Variants in PTPRN2 observed in about 807,000 individuals in gnomAD.
PTPRN2 encodes receptor-type tyrosine-protein phosphatase N2.
Under a neutral mutation model 118.8 loss-of-function variants are expected in PTPRN2, and 74 were observed. The observed-to-expected ratio is 0.62, with a 90% confidence interval of 0.52 to 0.76. The LOEUF (loss-of-function observed/expected upper bound fraction) is 0.76, where lower values mean the gene tolerates loss of function less well. PTPRN2 is among the 30% of genes least tolerant of loss of function. PTPRN2 has a pLI of 0.00. For synonymous variants in PTPRN2, 641 were observed against 608.0 expected, an observed-to-expected ratio of 1.05 and a Z score of -0.80; for missense variants, 1,481 against 1,394.4, an observed-to-expected ratio of 1.06 and a Z score of -0.99.
intron 17 of PTPRN2, among the ~76,000 whole-genome samples, chr7:157,578,602 G>A: frequency 6.6e-6 from 1 of 152,176 alleles, no homozygotes; most frequent in East Asian, 1.9e-4. Context: ...AGTACTTCAC[G>A]GAAAGCAGTA....
chr7:158,155,744 ATCACCATC>A (rs1563529932), intron 6 of PTPRN2, among the ~76,000 whole-genome samples: 3,621 of 84,718 alleles, frequency 0.043, 127 homozygotes, highest in African/African-American at 0.11. Flanking sequence ...CATCACCATC[ATCACCATC>A]ACCATCATCA....
chr7:157,873,785 G>A (rs1186334068), intron 12 of PTPRN2, among the ~76,000 whole-genome samples: 1 of 152,114 alleles, frequency 6.6e-6, no homozygotes, highest in Non-Finnish European at 1.5e-5. Context: ...TGAGGAGAGC[G>A]CAGCACTCGG....
At chr7:157,941,760 G>A (rs1400196614) in intron 11 of PTPRN2, among the ~76,000 whole-genome samples, 1 of 152,204 alleles carries the variant, frequency 6.6e-6, no homozygotes, top group Admixed American at 6.5e-5. Context: ...AGTGGGGTCA[G>A]CATGTGGCCA....
At chr7:158,433,025 T>G (rs1816334745) in intron 2 of PTPRN2, among the ~76,000 whole-genome samples, 1 of 152,232 alleles carries the variant, frequency 6.6e-6, no homozygotes, top group African/African-American at 2.4e-5. Flanking sequence ...CTGTTTGAAC[T>G]GTAGGTCCGT....
chr7:157,875,324 G>A lies in PTPRN2; in HGVS notation c.1788+23349C>T, dbSNP rs192481775. ...AGTTTCCAGGCGTTCCGTGAGAGCCGAGGGAGCGCGTGAGGGCTTCCTCCT... is the reference window on the plus strand; with the variant it reads ...AGTTTCCAGGCGTTCCGTGAGAGCCAAGGGAGCGCGTGAGGGCTTCCTCCT... On this transcript the variant is annotated intron_variant, in intron 12 of 22. Transcript: ENST00000389418. Among the ~76,000 whole-genome samples the A allele has an allele frequency of 4.6e-5, 7 of 152,350 alleles. No homozygotes were observed. In the South Asian group the frequency reaches 1.0e-3, roughly 23 times the overall value.
chr7:158,049,154 A>T (rs938625196), intron 11 of PTPRN2, among the ~76,000 whole-genome samples: 4 of 151,162 alleles, frequency 2.6e-5, no homozygotes, highest in Non-Finnish European at 5.9e-5. Context: ...CATCATCACC[A>T]TCACCATCAA....
intron 12 of PTPRN2, among the ~76,000 whole-genome samples, chr7:157,877,963 C>T (rs1192444755): frequency 6.6e-6 from 1 of 152,216 alleles, no homozygotes; most frequent in Non-Finnish European, 1.5e-5. Context: ...ACATAATTAA[C>T]AGCGCCCCAA....
intron 13 of PTPRN2, among the ~76,000 whole-genome samples, chr7:157,665,001 C>G (rs144100337): frequency 1.3e-5 from 2 of 152,204 alleles, no homozygotes; most frequent in Non-Finnish European, 2.9e-5. Flanking sequence ...GTGGGCCACA[C>G]GAGCCTGCTG....
At chr7:158,386,035 G>C (rs112811013) in intron 2 of PTPRN2, among the ~76,000 whole-genome samples, 1 of 25,564 alleles carries the variant, frequency 3.9e-5, no homozygotes, top group Non-Finnish European at 8.6e-5. Flanking sequence ...CCCGTGCCCC[G>C]AGTCCCTCCT....
intron 1 of PTPRN2, among the ~76,000 whole-genome samples, chr7:158,567,540 A>G (rs1380050439): frequency 6.6e-6 from 1 of 152,196 alleles, no homozygotes; most frequent in Non-Finnish European, 1.5e-5. Context: ...GCCACGTGCT[A>G]CGCCCAGGCT....
intron 6 of PTPRN2, among the ~76,000 whole-genome samples, chr7:158,146,912 CTGAA>C (rs1820124757): frequency 6.6e-6 from 1 of 151,802 alleles, no homozygotes; most frequent in Admixed American, 6.6e-5. Flanking sequence ...TGTGAAGAGA[CTGAA>C]TGACACCCCA....
rs528607858 is a variant in PTPRN2 at position 157,948,156 on chromosome 7, G to A, written c.1724-49419C>T. Among the ~76,000 whole-genome samples, 15 of 152,278 alleles carry A rather than the reference G, an allele frequency of 9.9e-5. No individual in the cohort carries two copies. The South Asian group carries it at 3.1e-3, about 32-fold the overall frequency. ...AACTTCAGTAAAATTAACTACATAG[G>A]TAAATATAAAACCCAGTATTGTAGC... On this transcript the variant is annotated intron_variant, in intron 11 of 22. Transcript: ENST00000389418.
chr7:157,644,901 C>G (rs990175647), intron 14 of PTPRN2, among the ~76,000 whole-genome samples: 1 of 152,228 alleles, frequency 6.6e-6, no homozygotes, highest in African/African-American at 2.4e-5. Flanking sequence ...CCGTGGGAAC[C>G]ACACGGGCCC....
chr7:158,432,370 T>C (rs1037306479), intron 2 of PTPRN2, among the ~76,000 whole-genome samples: 2 of 152,172 alleles, frequency 1.3e-5, no homozygotes, highest in Non-Finnish European at 2.9e-5. Flanking sequence ...GACAAAGTCC[T>C]GTAACACAGA....
chr7:158,026,875 GAC>G (rs1417317170), intron 11 of PTPRN2, among the ~76,000 whole-genome samples: 1 of 152,228 alleles, frequency 6.6e-6, no homozygotes, highest in Non-Finnish European at 1.5e-5. Context: ...GTGAACACAG[GAC>G]ACACAGCAGT....
At chr7:157,821,126 G>A (rs1806809987) in intron 12 of PTPRN2, among the ~76,000 whole-genome samples, 2 of 152,222 alleles carry the variant, frequency 1.3e-5, no homozygotes, top group African/African-American at 4.8e-5. Flanking sequence ...CAGCATCCTT[G>A]TGCCAATGCC....
chr7:158,475,135 G>T lies in PTPRN2; in HGVS notation c.163+14600C>A, dbSNP rs572729370. Among the ~76,000 whole-genome samples the T allele has an allele frequency of 2.6e-5, 4 of 152,054 alleles. No homozygotes were observed. The South Asian group carries it at 8.3e-4, about 32-fold the overall frequency. On this transcript the variant is annotated intron_variant, in intron 2 of 22. Transcript: ENST00000389418. ...CTTGGGAGGCACCAGTTTCCCTGAC[G>T]CCACGGTGGCAGGCGGGAGGGCTCA...
chr7:158,374,344 A>G (rs1204697919), intron 2 of PTPRN2, among the ~76,000 whole-genome samples: 1 of 152,168 alleles, frequency 6.6e-6, no homozygotes, highest in Non-Finnish European at 1.5e-5. Context: ...GCTGCAGGCC[A>G]AGAACACACT....
intron 11 of PTPRN2, among the ~76,000 whole-genome samples, chr7:158,062,760 C>T (rs540509534): frequency 5.3e-5 from 8 of 152,340 alleles, no homozygotes; most frequent in South Asian, 2.1e-4. Flanking sequence ...GCAGTGCCAG[C>T]CCACCAGCAC....
Sources: allele counts gnomAD v4.1 joint callset (sites outside exome capture counted in the v4.1 genomes callset), GRCh38; gene constraint gnomAD v4.1.1; transcripts MANE v1.5; gene names NCBI Gene and HGNC (gene_info 2026-07-23, HGNC 2026-07-21).